DHX35: variants seen among roughly 807,000 people sequenced by gnomAD.
DHX35 encodes the protein DEAH-box helicase 35, also known as probable ATP-dependent RNA helicase DHX35.
Under a neutral mutation model 99.6 loss-of-function variants are expected in DHX35, and 84 were observed. That is an observed-to-expected ratio of 0.84 (90% CI 0.71 to 1.01). The LOEUF (loss-of-function observed/expected upper bound fraction) is 1.01. Among genes scored for constraint, DHX35 ranks in the 50% least tolerant of loss-of-function variants. The pLI is 0.00. For missense variants in DHX35, 852 were observed against 888.5 expected (o/e 0.96, Z 0.52); for synonymous variants, 331 against 316.2 (o/e 1.05, Z -0.50).
chr20:38,992,527 G>T, intron 7 of DHX35, 102 bp downstream of exon 7: 2 of 1,113,152 alleles, frequency 1.8e-6, no homozygotes, highest in Non-Finnish European at 1.4e-6. Context: ...TACCAAGGAA[G>T]AAAATTAAAA....
intron 3 of DHX35, among the ~76,000 whole-genome samples, chr20:38,982,833 A>G (rs187585132): frequency 3.9e-5 from 6 of 152,338 alleles, no homozygotes; most frequent in African/African-American, 1.2e-4. Context: ...ACTGATAACC[A>G]CTGTTATCCG....
chr20:39,006,169 A>G lies in DHX35; in HGVS notation c.1035A>G (p.Ala345=). ...VRKVIVATNV[A]ETSITISGIV... ...AGGTGATAGTGGCCACCAATGTGGCAGAAACCTCTATCACAATCAGCGGCA... is the reference window on the plus strand; with the variant it reads ...AGGTGATAGTGGCCACCAATGTGGCGGAAACCTCTATCACAATCAGCGGCA... Residue 345 remains alanine, a synonymous_variant, in exon 12 of 22, where the codon GCA becomes GCG. Transcript: ENST00000252011. 3 of 1,614,066 alleles carry G rather than the reference A, an allele frequency of 1.9e-6. No individual in the cohort carries two copies. Among genetic ancestry groups the G allele is most frequent in the Non-Finnish European group, 2.5e-6 (3 of 1,179,914 alleles).
rs146723047 is a variant in DHX35 at position 39,034,479 on chromosome 20, C to T, written c.2067+162C>T. Among the ~76,000 whole-genome samples the T allele has an allele frequency of 3.3e-5, 5 of 152,320 alleles. No homozygotes were observed. The South Asian group carries it at 6.2e-4, about 19-fold the overall frequency. ...ATCCCCAAAACATTCTGGGAAAGCA[C>T]TCTAGCGTTTAATTCATAGTGAAGT... On this transcript the variant is annotated intron_variant, in intron 21 of 21. Coordinates refer to ENST00000252011, the MANE Select transcript of DHX35 (RefSeq NM_021931.4).
intron 9 of DHX35, among the ~76,000 whole-genome samples, chr20:39,002,100 T>G (rs902632384): frequency 3.9e-5 from 6 of 152,178 alleles, no homozygotes; most frequent in African/African-American, 1.4e-4. Context: ...TGAAAGGTTT[T>G]GGGGAGGGAA....
At chr20:39,009,342 G>A (rs1288841471) in intron 12 of DHX35, among the ~76,000 whole-genome samples, 1 of 151,840 alleles carries the variant, frequency 6.6e-6, no homozygotes, top group African/African-American at 2.4e-5. Context: ...ACAGAATATT[G>A]GTTGTCTGTT....
intron 17 of DHX35, 85 bp from the exon 18 acceptor site, chr20:39,025,145 G>T: frequency 6.9e-7 from 1 of 1,450,946 alleles, no homozygotes; most frequent in Non-Finnish European, 9.3e-7. Context: ...GCACATGGGG[G>T]AAGAGAGAAG....
At chr20:39,014,764 G>A in intron 13 of DHX35, 116 bp from the exon 14 acceptor site, 1 of 1,253,694 alleles carries the variant, frequency 8.0e-7, no homozygotes. Context: ...GAAACATGGA[G>A]GCTGGGAAGA....
chr20:38,983,515 T>C (rs1398379049), intron 3 of DHX35, among the ~76,000 whole-genome samples, 184 bp from the exon 4 acceptor site: 1 of 152,218 alleles, frequency 6.6e-6, no homozygotes, highest in Non-Finnish European at 1.5e-5. Flanking sequence ...TGAACTTAAG[T>C]AAATCACCTA....
In DHX35 at chr20:38,988,799, C is replaced by G. The variant is rs1399809748; in HGVS notation, c.346-14C>G. ...TCTATGTCTCTATTTTCAGCATGATCTTTCTTCCCAAAGGTTGCAGGGAGA... is the reference window on the plus strand; with the variant it reads ...TCTATGTCTCTATTTTCAGCATGATGTTTCTTCCCAAAGGTTGCAGGGAGA... On this transcript the variant is annotated splice_polypyrimidine_tract_variant and intron_variant, in intron 4 of 21. Transcript: ENST00000252011. The G allele has an allele frequency of 3.1e-6, 5 of 1,613,140 alleles. No individual in the cohort carries two copies. The African/African-American group carries it at 6.7e-5, about 22-fold the overall frequency.
chr20:39,020,596 C>G (rs2086857984), intron 15 of DHX35, among the ~76,000 whole-genome samples: 1 of 150,304 alleles, frequency 6.7e-6, no homozygotes, highest in South Asian at 2.1e-4. Context: ...ATGGGGAAAG[C>G]TAACTAATTA....
intron 21 of DHX35, among the ~76,000 whole-genome samples, chr20:39,034,573 T>TTTTGC (rs2087115302): frequency 6.6e-6 from 1 of 150,514 alleles, no homozygotes; most frequent in Non-Finnish European, 1.5e-5. Flanking sequence ...TTCTTTCTCC[T>TTTTGC]TTTGCTCTTC....
At chr20:38,978,382 G>A in intron 3 of DHX35, 2 of 704,356 alleles carry the variant, frequency 2.8e-6, no homozygotes, top group Non-Finnish European at 2.6e-6. Flanking sequence ...ATAGTTCTGG[G>A]GCCTCACAGG....
intron 13 of DHX35, among the ~76,000 whole-genome samples, chr20:39,011,420 C>T (rs2086701196): frequency 6.6e-6 from 1 of 152,194 alleles, no homozygotes; most frequent in Non-Finnish European, 1.5e-5. Context: ...ACTGCAACCT[C>T]TGCCTCCCAG....
In DHX35 at chr20:39,023,711, G is replaced by A. The variant is rs1419950747; in HGVS notation, c.1615G>A (p.Ala539Thr). The A allele has an allele frequency of 6.2e-7, 1 of 1,614,014 alleles. No individual in the cohort carries two copies. The highest frequency in any genetic ancestry group is 8.5e-7 in the Non-Finnish European group (1 of 1,179,984). ...CCAGATTCGAGTGCACCGTAAATTT[G>A]CTGTGGAGGAGGGCGACCACCTCAC... ...SHAIRVHRKFAVEEGDHLTML... is the reference protein window; with the variant it reads ...SHAIRVHRKFTVEEGDHLTML... Residue 539 changes from alanine to threonine, a missense_variant, in exon 17 of 22, where the codon GCT becomes ACT. Transcript: ENST00000252011.
At chr20:39,033,593 T>G (rs1330511298) in intron 20 of DHX35, among the ~76,000 whole-genome samples, 1 of 152,222 alleles carries the variant, frequency 6.6e-6, no homozygotes, top group East Asian at 1.9e-4. Context: ...ATTAACACTT[T>G]GGATGTTTCA....
At chr20:39,010,487 A>C (rs148064954) in intron 13 of DHX35, 83 bp downstream of exon 13, 6 of 1,550,634 alleles carry the variant, frequency 3.9e-6, no homozygotes, top group Non-Finnish European at 5.2e-6. Flanking sequence ...AGGGCATGCC[A>C]TCTTTCCTTT....
In DHX35 at chr20:39,006,337, A is replaced by G. The variant is rs546077486; in HGVS notation, c.1203A>G (p.Lys401=). ...GTGGTGGTCGTAGTCGCTCGGGAAA[A>G]TGTTATCGCCTTTATACAGGTTAGT... is the stretch of plus-strand genomic sequence containing the variant. ...AGRGGRSRSG[K]CYRLYTEEAF... is the part of the protein sequence containing the mutation. Residue 401 remains lysine (K), a synonymous_variant, in exon 12 of 22, where the codon AAA becomes AAG. Coordinates refer to ENST00000252011, the MANE Select transcript of DHX35 (RefSeq NM_021931.4). The G allele has an allele frequency of 1.9e-6, 3 of 1,614,118 alleles. No individual in the cohort carries two copies. In the African/African-American group the frequency reaches 4.0e-5, roughly 22 times the overall value.
intron 2 of DHX35, among the ~76,000 whole-genome samples, chr20:38,972,078 G>A (rs117730839): frequency 0.011 from 1,516 of 134,810 alleles, 8 homozygotes; most frequent in Non-Finnish European, 0.016. Flanking sequence ...GCATGGTCTC[G>A]CCTCACTGCA....
intron 11 of DHX35, among the ~76,000 whole-genome samples, chr20:39,005,790 G>A (rs2086606379): frequency 6.6e-6 from 1 of 152,168 alleles, no homozygotes; most frequent in Non-Finnish European, 1.5e-5. Context: ...GCAAGATGGA[G>A]GGTGATTTAC....
Sources: allele counts gnomAD v4.1 joint callset (sites outside exome capture counted in the v4.1 genomes callset), GRCh38; gene constraint gnomAD v4.1.1; transcripts MANE v1.5; gene names NCBI Gene and HGNC (gene_info 2026-07-23, HGNC 2026-07-21).